The following MPP7 variants were observed in gnomAD, a reference collection of about 807,000 sequenced individuals.
MPP7 encodes MAGUK p55 subfamily member 7.
MPP7 carries 60 observed loss-of-function variants against 76.5 expected under a neutral mutation model. That is an observed-to-expected ratio of 0.78 (90% CI 0.64 to 0.97). The LOEUF is 0.97. MPP7 is among the 50% of genes least tolerant of loss of function. The pLI is 0.00. For synonymous variants in MPP7, 237 were observed against 244.5 expected (o/e 0.97, Z 0.29); for missense variants, 641 against 694.0 (o/e 0.92, Z 0.86).
intron 1 of MPP7, among the ~76,000 whole-genome samples, chr10:28,244,924 C>T (rs1480176708): frequency 6.6e-6 from 1 of 152,138 alleles, no homozygotes; most frequent in Non-Finnish European, 1.5e-5. Flanking sequence ...CTACCCAAAC[C>T]ATCTACAACA....
At position 28,291,787 on chromosome 10, in the gene MPP7, A is replaced by G. The variant is rs577858612; in HGVS notation, c.-132+11074T>C. On this transcript the variant is annotated intron_variant, in intron 1 of 16. Coordinates refer to ENST00000683449, the MANE Select transcript of MPP7 (RefSeq NM_001318170.2). ...GTTTGAAGCTGTGTTATTACAAAAG[A>G]GTCAAAAGTTAAAAACCATTTATAA... Among the ~76,000 whole-genome samples, 173 of 152,380 alleles carry G rather than the reference A, an allele frequency of 1.1e-3. 2 individuals carry two copies. The highest frequency in any genetic ancestry group is 4.1e-3 in the African/African-American group (170 of 41,596).
chr10:28,101,251 T>C (rs1264722978), intron 11 of MPP7, among the ~76,000 whole-genome samples: 1 of 152,176 alleles, frequency 6.6e-6, no homozygotes, highest in Non-Finnish European at 1.5e-5. Flanking sequence ...TGCATAAATA[T>C]AATGTTTAGG....
chr10:28,326,859 T>G (rs1257405867), intron 2 of MPP7, among the ~76,000 whole-genome samples: 1 of 152,206 alleles, frequency 6.6e-6, no homozygotes, highest in African/African-American at 2.4e-5. Flanking sequence ...TCTGCTGCAC[T>G]GATATTCTAT....
chr10:28,086,226 A>G (rs762164649), intron 12 of MPP7, among the ~76,000 whole-genome samples: 16 of 152,176 alleles, frequency 1.1e-4, no homozygotes, highest in Non-Finnish European at 1.8e-4. Context: ...TGGGTGCAGC[A>G]AACCACCATA....
At chr10:28,113,969 A>C (rs1834583176) in intron 11 of MPP7, among the ~76,000 whole-genome samples, 1 of 152,204 alleles carries the variant, frequency 6.6e-6, no homozygotes, top group Non-Finnish European at 1.5e-5. Flanking sequence ...TCGGTATTCC[A>C]AGGGAGAGTC....
chr10:28,118,345 C>A lies in MPP7; in HGVS notation c.952+1306G>T. 3 of 975,748 alleles carry A rather than the reference C, an allele frequency of 3.1e-6. No individual in the cohort carries two copies. In the South Asian group the frequency reaches 1.4e-4, roughly 46 times the overall value. 60.4% of individuals were successfully genotyped at this position (975,748 alleles called of 1,614,324 possible). Reference sequence around the variant, plus strand: ...AATCAATGAAAATTTATAATAATATCAAACTGTACATTTCTAAGTTGCCTA... The same window carrying A: ...AATCAATGAAAATTTATAATAATATAAAACTGTACATTTCTAAGTTGCCTA... On this transcript the variant is annotated intron_variant, in intron 11 of 16. Transcript: ENST00000683449.
At chr10:28,059,466 C>T in intron 14 of MPP7, 184 bp downstream of exon 14, 1 of 498,782 alleles carries the variant, frequency 2.0e-6, no homozygotes, top group East Asian at 3.4e-5. Context: ...ATCCAGGTTA[C>T]TAAAAAATTA....
intron 5 of MPP7, among the ~76,000 whole-genome samples, chr10:28,141,738 G>A (rs894066893): frequency 6.6e-6 from 1 of 151,848 alleles, no homozygotes; most frequent in South Asian, 2.1e-4. Context: ...CACTGTCTCT[G>A]GAAAATTTAA....
At chr10:28,108,980 G>A (rs770879649) in intron 11 of MPP7, among the ~76,000 whole-genome samples, 91 of 151,944 alleles carry the variant, frequency 6.0e-4, no homozygotes, top group Non-Finnish European at 1.1e-3. Context: ...GGAATAAGAA[G>A]TCATAAAAAA....
intron 1 of MPP7, among the ~76,000 whole-genome samples, chr10:28,255,165 G>A (rs1202774353): frequency 6.6e-6 from 1 of 152,222 alleles, no homozygotes; most frequent in Non-Finnish European, 1.5e-5. Context: ...CCAGGCTGGA[G>A]TGTAATGGTG....
intron 1 of MPP7, among the ~76,000 whole-genome samples, chr10:28,254,004 G>GAAAAAAAAAAA (rs199511617): frequency 1.2e-4 from 11 of 92,326 alleles, no homozygotes; most frequent in Non-Finnish European, 1.6e-4. Flanking sequence ...TCACAAAAAA[G>GAAAAAAAAAAA]AAAAAAAAAA....
chr10:28,098,146 A>G (rs1853655169), intron 11 of MPP7, among the ~76,000 whole-genome samples: 1 of 152,136 alleles, frequency 6.6e-6, no homozygotes, highest in African/African-American at 2.4e-5. Context: ...ATAATTTCAA[A>G]TGTTAGCAAT....
At chr10:28,324,302 G>A (rs527846429) in intron 2 of MPP7, among the ~76,000 whole-genome samples, 7 of 152,168 alleles carry the variant, frequency 4.6e-5, no homozygotes, top group South Asian at 2.1e-4. Context: ...ATCTGCCAGC[G>A]CCTTGATCTT....
At chr10:28,148,726 C>T (rs570215599) in intron 4 of MPP7, among the ~76,000 whole-genome samples, 1 of 152,210 alleles carries the variant, frequency 6.6e-6, no homozygotes, top group African/African-American at 2.4e-5. Context: ...TTTAAATATA[C>T]TGCTCTGACA....
intron 3 of MPP7, among the ~76,000 whole-genome samples, chr10:28,166,748 T>G (rs1158359585): frequency 6.6e-6 from 1 of 152,290 alleles, no homozygotes; most frequent in Non-Finnish European, 1.5e-5. Flanking sequence ...TTACAACTCT[T>G]GTGTGAATGT....
intron 1 of MPP7, among the ~76,000 whole-genome samples, chr10:28,281,080 T>A (rs1021067345): frequency 6.6e-6 from 1 of 151,846 alleles, no homozygotes; most frequent in East Asian, 1.9e-4. Context: ...TTCTTCTTTT[T>A]TTTTCTTTCT....
chr10:28,186,664 C>T (rs567145331), intron 3 of MPP7, among the ~76,000 whole-genome samples: 1 of 152,196 alleles, frequency 6.6e-6, no homozygotes, highest in Non-Finnish European at 1.5e-5. Context: ...TGAAGTGCCA[C>T]CTGTCATGGC....
intron 2 of MPP7, among the ~76,000 whole-genome samples, chr10:28,217,537 A>AAAAGAAAAG (rs375123965): frequency 7.2e-6 from 1 of 138,174 alleles, no homozygotes; most frequent in Admixed American, 7.6e-5. Flanking sequence ...AAAAAAAAAA[A>AAAAGAAAAG]AAAAGAAAAG....
chr10:28,329,774 G>A (rs2133191953), intron 2 of MPP7, among the ~76,000 whole-genome samples: 1 of 152,148 alleles, frequency 6.6e-6, no homozygotes, highest in South Asian at 2.1e-4. Flanking sequence ...AATCTGAAAT[G>A]AGGATTTCCA....
Sources: allele counts gnomAD v4.1 joint callset (sites outside exome capture counted in the v4.1 genomes callset), GRCh38; gene constraint gnomAD v4.1.1; transcripts MANE v1.5; gene names NCBI Gene and HGNC (gene_info 2026-07-23, HGNC 2026-07-21).